The following ASTN2 variants were observed in gnomAD, a reference collection of about 807,000 sequenced individuals.
ASTN2 encodes the protein astrotactin 2.
A neutral mutation model predicts 139.8 loss-of-function variants in ASTN2; 54 were observed. The ratio of observed to expected loss-of-function variants is 0.39; its 90% CI spans 0.31 to 0.48. The LOEUF (loss-of-function observed/expected upper bound fraction) is 0.48, where lower values mean the gene tolerates loss of function less well. Ranked by LOEUF, ASTN2 falls within the 20% of genes least tolerant of loss-of-function variation. The pLI is 0.95. For missense variants in ASTN2, 1,565 were observed against 1,725.1 expected, an observed-to-expected ratio of 0.91 and a Z score of 1.64; for synonymous variants, 756 against 719.5, an observed-to-expected ratio of 1.05 and a Z score of -0.81.
chr9:116,737,258 T>G (rs573719048), intron 13 of ASTN2, among the ~76,000 whole-genome samples: 52 of 152,204 alleles, frequency 3.4e-4, no homozygotes, highest in Non-Finnish European at 6.6e-4. Context: ...GGCCTTTGCA[T>G]CGATCAGCTG....
In ASTN2 at chr9:116,438,051, C is replaced by T. The variant is rs568282102; in HGVS notation, c.3782+2558G>A. Among the ~76,000 whole-genome samples the T allele has an allele frequency of 6.6e-5, 10 of 152,220 alleles. 1 individual carries two copies. In the East Asian group the frequency reaches 1.7e-3, roughly 26 times the overall value. The stretch of plus-strand genomic sequence containing the variant: ...CCCCATGGGACCTCAATTTCCTTAT[C>T]GTCCAAAAAATGGCATGAATACCCT... On this transcript the variant is annotated intron_variant, in intron 22 of 22. Transcript: ENST00000313400.
intron 16 of ASTN2, among the ~76,000 whole-genome samples, chr9:116,701,965 T>C (rs1032659518): frequency 2.7e-5 from 4 of 147,124 alleles, no homozygotes; most frequent in Non-Finnish European, 4.5e-5. Flanking sequence ...TCATGTAAAA[T>C]AGATCAAAGA....
At chr9:116,922,920 C>A (rs1834652679) in intron 10 of ASTN2, among the ~76,000 whole-genome samples, 2 of 152,118 alleles carry the variant, frequency 1.3e-5, no homozygotes, top group South Asian at 4.1e-4. Context: ...TGGCTTAAAA[C>A]AATAGACTCA....
At chr9:117,143,915 G>A (rs1034194213) in intron 3 of ASTN2, among the ~76,000 whole-genome samples, 21 of 152,212 alleles carry the variant, frequency 1.4e-4, no homozygotes, top group South Asian at 4.2e-4. Flanking sequence ...ACCTCCCAAA[G>A]ATCCTATCTC....
intron 10 of ASTN2, among the ~76,000 whole-genome samples, chr9:116,973,551 C>T (rs974050045): frequency 2.0e-5 from 3 of 152,156 alleles, no homozygotes; most frequent in African/African-American, 7.2e-5. Flanking sequence ...GTCAACAGGA[C>T]AGAACTATGA....
At chr9:116,552,267 A>G (rs752737857) in intron 19 of ASTN2, 1 of 152,222 alleles carries the variant, frequency 6.6e-6, no homozygotes, top group East Asian at 1.9e-4. Flanking sequence ...TAGAAAGGGC[A>G]TATCACTGGG....
At chr9:116,496,199 A>G (rs1849663786) in intron 19 of ASTN2, among the ~76,000 whole-genome samples, 2 of 152,168 alleles carry the variant, frequency 1.3e-5, no homozygotes, top group South Asian at 4.1e-4. Flanking sequence ...TATTGCCTGT[A>G]TCCCCTGCTG....
At chr9:117,241,684 C>T (rs954860561) in intron 2 of ASTN2, among the ~76,000 whole-genome samples, 1 of 152,090 alleles carries the variant, frequency 6.6e-6, no homozygotes, top group South Asian at 2.1e-4. Flanking sequence ...ACCAGTGGCT[C>T]AAATCATGTG....
intron 19 of ASTN2, among the ~76,000 whole-genome samples, chr9:116,571,343 C>A (rs1487602349): frequency 6.6e-6 from 1 of 152,208 alleles, no homozygotes; most frequent in East Asian, 1.9e-4. Context: ...GACTCCAGCC[C>A]TCCTTCCCTG....
At chr9:116,905,069 T>C (rs568835062) in intron 10 of ASTN2, among the ~76,000 whole-genome samples, 2 of 152,180 alleles carry the variant, frequency 1.3e-5, no homozygotes, top group South Asian at 4.1e-4. Context: ...TGGGAGCCTC[T>C]TGTCTCCCCC....
chr9:116,924,296 G>A (rs1834694205), intron 10 of ASTN2, among the ~76,000 whole-genome samples: 1 of 150,682 alleles, frequency 6.6e-6, no homozygotes, highest in Admixed American at 6.6e-5. Flanking sequence ...TGAGTGTGGT[G>A]GCACGATCCT....
chr9:116,947,261 C>T (rs1056049840), intron 10 of ASTN2, among the ~76,000 whole-genome samples: 4 of 152,104 alleles, frequency 2.6e-5, no homozygotes, highest in African/African-American at 4.8e-5. Context: ...ATGGGATTCA[C>T]GTTTTCTGTT....
At chr9:116,495,920 A>G (rs2119117914) in intron 19 of ASTN2, among the ~76,000 whole-genome samples, 1 of 152,226 alleles carries the variant, frequency 6.6e-6, no homozygotes, top group East Asian at 1.9e-4. Context: ...CATTCCAGCC[A>G]TGCAGACATT....
chr9:116,535,420 A>C (rs1335793894), intron 19 of ASTN2, among the ~76,000 whole-genome samples: 1 of 152,032 alleles, frequency 6.6e-6, no homozygotes, highest in African/African-American at 2.4e-5. Flanking sequence ...TTAGCTGGTT[A>C]TTTTGTTTGT....
intron 1 of ASTN2, among the ~76,000 whole-genome samples, chr9:117,362,174 A>T (rs1011606579): frequency 6.6e-6 from 1 of 152,090 alleles, no homozygotes; most frequent in Non-Finnish European, 1.5e-5. Flanking sequence ...GGGTTTTGCC[A>T]TGTTGGCCAG....
intron 1 of ASTN2, among the ~76,000 whole-genome samples, chr9:117,409,867 A>C (rs10120334): frequency 0.96 from 146,448 of 152,218 alleles, 70,512 homozygotes; most frequent in East Asian, 1. Context: ...GGTTCCTGGC[A>C]CCTCACTCCT....
chr9:116,707,480 C>T (rs1828022431), intron 16 of ASTN2, among the ~76,000 whole-genome samples: 1 of 151,990 alleles, frequency 6.6e-6, no homozygotes, highest in East Asian at 1.9e-4. Flanking sequence ...GAATCTTACA[C>T]ATATGAGCAG....
chr9:117,173,322 C>T (rs73657682), intron 3 of ASTN2, among the ~76,000 whole-genome samples: 72 of 151,946 alleles, frequency 4.7e-4, no homozygotes, highest in African/African-American at 1.6e-3. Flanking sequence ...TAAAAGCAAC[C>T]GTAACTACAA....
rs201596255 is a variant in ASTN2 at position 116,481,155 on chromosome 9, A to AAT, written c.3497+6203_3497+6204insAT. Among the ~76,000 whole-genome samples, 2,466 of 152,272 alleles carry AAT rather than the reference A, an allele frequency of 0.016. 291 individuals are homozygous for AAT. In the South Asian group the frequency reaches 0.26, roughly 16 times the overall value. On this transcript the variant is annotated intron_variant, in intron 20 of 22. Coordinates refer to ENST00000313400, the MANE Select transcript of ASTN2 (RefSeq NM_001365068.1). ...GTAATCTCAGCACTTTGGGAGGCTG[A>AAT]GGCAGGTAAATGGCTTGAGCTCGAG...
Sources: allele counts gnomAD v4.1 joint callset (sites outside exome capture counted in the v4.1 genomes callset), GRCh38; gene constraint gnomAD v4.1.1; transcripts MANE v1.5; gene names NCBI Gene and HGNC (gene_info 2026-07-23, HGNC 2026-07-21).